KCNMB4: variants seen among roughly 807,000 people sequenced by gnomAD.
The protein encoded by KCNMB4 is potassium calcium-activated channel subfamily M regulatory beta subunit 4, also known as calcium-activated potassium channel subunit beta-4.
In KCNMB4, 3 loss-of-function variants were observed where a neutral mutation model predicts 20.7. The ratio of observed to expected loss-of-function variants is 0.14; its 90% CI spans 0.07 to 0.37. KCNMB4 has a LOEUF of 0.37. KCNMB4 is among the 10% of genes least tolerant of loss of function. The probability of loss-of-function intolerance (pLI) is 1.00; values close to 1 mark genes in which losing one functional copy is unlikely to be tolerated. For missense variants in KCNMB4, 168 were observed against 265.9 expected (o/e 0.63, Z 2.56); for synonymous variants, 110 against 113.4 (o/e 0.97, Z 0.19).
In KCNMB4 at chr12:70,421,650, T is replaced by C. The variant is rs139597230; in HGVS notation, c.465-8835T>C. ...AGGCTGGAGTGCAGTGGCGCAATCT[T>C]GGCTCACTGCAAGCTCCACCTCCCA... On this transcript the variant is annotated intron_variant, in intron 2 of 2. Coordinates refer to ENST00000258111, the MANE Select transcript of KCNMB4 (RefSeq NM_014505.6). Among the ~76,000 whole-genome samples the C allele has an allele frequency of 3.7e-3, 562 of 151,654 alleles. 2 individuals are homozygous for C. The highest frequency in any genetic ancestry group is 6.2e-3 in the Non-Finnish European group (422 of 67,890).
chr12:70,400,060 GT>G, intron 1 of KCNMB4, 148 bp from the exon 2 acceptor site: 2 of 561,748 alleles, frequency 3.6e-6, no homozygotes, highest in Non-Finnish European at 5.8e-6. Flanking sequence ...TTGGAATATA[GT>G]TTAGTAATTT....
chr12:70,411,118 G>A (rs1249608172), intron 2 of KCNMB4, among the ~76,000 whole-genome samples: 2 of 152,182 alleles, frequency 1.3e-5, no homozygotes, highest in African/African-American at 4.8e-5. Context: ...TGGATGAAAT[G>A]ATCTCTAAAA....
chr12:70,401,506 C>T (rs780650421), intron 2 of KCNMB4, among the ~76,000 whole-genome samples: 4 of 152,308 alleles, frequency 2.6e-5, no homozygotes, highest in East Asian at 1.9e-4. Flanking sequence ...CTTTCTAACA[C>T]ATGAGTCTAA....
At chr12:70,384,233 GA>G (rs771554437) in intron 1 of KCNMB4, among the ~76,000 whole-genome samples, 4 of 152,064 alleles carry the variant, frequency 2.6e-5, no homozygotes, top group Admixed American at 1.3e-4. Flanking sequence ...TGACAAAATG[GA>G]AAAAATGCAC....
chr12:70,406,518 G>A (rs1025753706), intron 2 of KCNMB4, among the ~76,000 whole-genome samples: 10 of 152,158 alleles, frequency 6.6e-5, no homozygotes, highest in African/African-American at 2.2e-4. Flanking sequence ...GAAGGAGTAC[G>A]CAGATTTCTT....
chr12:70,385,120 G>T (rs1883865883), intron 1 of KCNMB4, among the ~76,000 whole-genome samples: 1 of 152,114 alleles, frequency 6.6e-6, no homozygotes, highest in Admixed American at 6.5e-5. Context: ...CAAGCGGGGG[G>T]AATTTCACAG....
At chr12:70,425,429 C>G (rs886462765) in intron 2 of KCNMB4, among the ~76,000 whole-genome samples, 1 of 152,106 alleles carries the variant, frequency 6.6e-6, no homozygotes, top group South Asian at 2.1e-4. Flanking sequence ...CAGAGCAAGA[C>G]CCCATCTCAA....
At chr12:70,391,287 TC>T (rs1030528952) in intron 1 of KCNMB4, among the ~76,000 whole-genome samples, 75 of 150,910 alleles carry the variant, frequency 5.0e-4, no homozygotes, top group African/African-American at 1.7e-3. Flanking sequence ...GTTCACACAT[TC>T]TTTTATTTTT....
intron 2 of KCNMB4, among the ~76,000 whole-genome samples, chr12:70,428,161 GCATGTAGTTTTT>G (rs1402095100): frequency 5.3e-5 from 8 of 151,928 alleles, no homozygotes; most frequent in Admixed American, 5.2e-4. Context: ...AGGTCTACAG[GCATGTAGTTTTT>G]TGTAGAGACA....
At chr12:70,427,421 TGAAG>T (rs1869242988) in intron 2 of KCNMB4, among the ~76,000 whole-genome samples, 1 of 152,238 alleles carries the variant, frequency 6.6e-6, no homozygotes, top group African/African-American at 2.4e-5. Context: ...ATTTTCCTGT[TGAAG>T]GAGATTATGG....
chr12:70,382,306 G>C (rs1053085129), intron 1 of KCNMB4, among the ~76,000 whole-genome samples: 1 of 151,130 alleles, frequency 6.6e-6, no homozygotes, highest in Non-Finnish European at 1.5e-5. Flanking sequence ...AGTGGCGGGC[G>C]CCTGTAGTCC....
chr12:70,406,946 G>T (rs775477595), intron 2 of KCNMB4, among the ~76,000 whole-genome samples: 8 of 152,106 alleles, frequency 5.3e-5, no homozygotes, highest in Non-Finnish European at 1.2e-4. Context: ...AATGTGTGGG[G>T]TATTTCCACA....
intron 1 of KCNMB4, among the ~76,000 whole-genome samples, chr12:70,375,190 C>T (rs562298420): frequency 1.3e-5 from 2 of 152,274 alleles, no homozygotes; most frequent in African/African-American, 4.8e-5. Context: ...ATAAATTTCA[C>T]TGCCACTCTC....
At chr12:70,410,887 C>T (rs1868755526) in intron 2 of KCNMB4, among the ~76,000 whole-genome samples, 2 of 152,134 alleles carry the variant, frequency 1.3e-5, no homozygotes, top group Non-Finnish European at 2.9e-5. Context: ...TCTAAGTTCA[C>T]TCAAAGTGTG....
At chr12:70,427,796 G>A (rs1341072118) in intron 2 of KCNMB4, among the ~76,000 whole-genome samples, 1 of 151,848 alleles carries the variant, frequency 6.6e-6, no homozygotes, top group African/African-American at 2.4e-5. Flanking sequence ...CTGTCATCTG[G>A]GCTATTTTTC....
In KCNMB4 at chr12:70,430,626, A is replaced by C; in HGVS notation, c.606A>C (p.Glu202Asp). ...CCAAGAGCTTGGCGGTCAAGGCGGA[A>C]GCCATGAAGAAGCGCAAGTTCTCTT... is the stretch of plus-strand genomic sequence containing the variant. ...ICAKSLAVKA[E>D]AMKKRKFS Residue 202 changes from glutamate to aspartate, a missense_variant, in exon 3 of 3, where the codon GAA (glutamate) becomes GAC (aspartate). Coordinates refer to ENST00000258111, the MANE Select transcript of KCNMB4 (RefSeq NM_014505.6). The C allele has an allele frequency of 6.2e-7, 1 of 1,610,914 alleles. No individual in the cohort carries two copies. Among genetic ancestry groups the C allele is most frequent in the Non-Finnish European group, 8.5e-7 (1 of 1,179,254 alleles).
At chr12:70,376,925 G>A (rs752171150) in intron 1 of KCNMB4, among the ~76,000 whole-genome samples, 1 of 151,500 alleles carries the variant, frequency 6.6e-6, no homozygotes, top group East Asian at 1.9e-4. Flanking sequence ...AAAATAAAAT[G>A]TCTTGGAATA....
At position 70,366,893 on chromosome 12, in the gene KCNMB4, T is replaced by C. The variant is rs763162546; in HGVS notation, c.159T>C (p.Asn53=). 5 of 1,613,570 alleles carry C rather than the reference T, an allele frequency of 3.1e-6. No individual in the cohort carries two copies. The highest frequency in any genetic ancestry group is 2.2e-5 in the East Asian group (1 of 44,818). ...AGGATCTGCAAGCCACGGAGGCCAA[T>C]TGCACGGTGCTGTCGGTGCAGCAGA... The part of the protein sequence containing the change: ...ALQDLQATEA[N]CTVLSVQQIG... Residue 53 remains asparagine, a synonymous_variant, in exon 1 of 3, where the codon AAT becomes AAC. Transcript: ENST00000258111.
chr12:70,408,626 C>T (rs1377436211), intron 2 of KCNMB4, among the ~76,000 whole-genome samples: 3 of 152,044 alleles, frequency 2.0e-5, no homozygotes, highest in Non-Finnish European at 4.4e-5. Flanking sequence ...TCCCTCTCTA[C>T]ACCCAGGAAG....
Sources: allele counts gnomAD v4.1 joint callset (sites outside exome capture counted in the v4.1 genomes callset), GRCh38; gene constraint gnomAD v4.1.1; transcripts MANE v1.5; gene names NCBI Gene and HGNC (gene_info 2026-07-23, HGNC 2026-07-21).